NME7: variants seen among roughly 807,000 people sequenced by gnomAD.
The protein encoded by NME7 is NME/NM23 family member 7, also known as nucleoside diphosphate kinase 7.
Under a neutral mutation model 49.1 loss-of-function variants are expected in NME7, and 41 were observed. That is an observed-to-expected ratio of 0.83 (90% confidence interval 0.65 to 1.08). NME7 has a LOEUF of 1.08. Among genes scored for constraint, NME7 ranks in the 50% least tolerant of loss-of-function variants. NME7 has a pLI of 0.00. For synonymous variants in NME7, 139 were observed against 150.6 expected (o/e 0.92, Z 0.56); for missense variants, 423 against 463.4 (o/e 0.91, Z 0.80).
At chr1:169,281,148 G>C (rs1238262007) in intron 7 of NME7, among the ~76,000 whole-genome samples, 3 of 152,046 alleles carry the variant, frequency 2.0e-5, no homozygotes, top group Non-Finnish European at 4.4e-5. Flanking sequence ...GTGGTTTATA[G>C]TTCTCCCTGA....
At chr1:169,367,100 A>C (rs1653896037) in intron 1 of NME7, among the ~76,000 whole-genome samples, 1 of 152,114 alleles carries the variant, frequency 6.6e-6, no homozygotes, top group Non-Finnish European at 1.5e-5. Context: ...CCAAACAGTG[A>C]ATTCCAGAAG....
intron 10 of NME7, among the ~76,000 whole-genome samples, chr1:169,196,604 C>T (rs1023662283): frequency 6.6e-6 from 1 of 152,162 alleles, no homozygotes; most frequent in South Asian, 2.1e-4. Context: ...CATTAGGATA[C>T]TTTCACAATT....
chr1:169,246,165 G>T (rs1341301346), intron 7 of NME7, among the ~76,000 whole-genome samples: 1 of 152,102 alleles, frequency 6.6e-6, no homozygotes, highest in East Asian at 1.9e-4. Flanking sequence ...AATTAGCCAG[G>T]TATGATGGTG....
At chr1:169,263,879 C>T (rs1279934474) in intron 7 of NME7, among the ~76,000 whole-genome samples, 1 of 132,208 alleles carries the variant, frequency 7.6e-6, no homozygotes, top group East Asian at 2.0e-4. Context: ...AAAGAGAAGC[C>T]CATCAGAATA....
chr1:169,185,954 T>C (rs1466659111), intron 10 of NME7, among the ~76,000 whole-genome samples: 1 of 152,162 alleles, frequency 6.6e-6, no homozygotes, highest in East Asian at 1.9e-4. Flanking sequence ...TAATATATGA[T>C]GTTTGCATTG....
chr1:169,261,363 G>C lies in NME7; in HGVS notation c.755-23676C>G, dbSNP rs868343162. Among the ~76,000 whole-genome samples the C allele has an allele frequency of 3.7e-5, 5 of 133,492 alleles. 2 individuals carry two copies. Among genetic ancestry groups the C allele is most frequent in the Non-Finnish European group, 8.8e-5 (5 of 56,758 alleles). The allele number at this position is 133,492 out of a possible 152,430, so 87.6% of individuals were successfully genotyped here. On this transcript the variant is annotated intron_variant, in intron 7 of 11. Transcript: ENST00000367811. Reference sequence around the variant, plus strand: ...TCTCACTAGAGAAAGATCAATCTAAGCACTGTCTAGCAACAGATCAAGATT... The same window carrying C: ...TCTCACTAGAGAAAGATCAATCTAACCACTGTCTAGCAACAGATCAAGATT...
chr1:169,179,431 C>T (rs559824496), intron 10 of NME7, among the ~76,000 whole-genome samples: 4 of 152,206 alleles, frequency 2.6e-5, no homozygotes, highest in East Asian at 3.9e-4. Context: ...GCAGAAATAC[C>T]GTTTGACCCA....
At chr1:169,139,917 T>G (rs1024578598) in intron 11 of NME7, among the ~76,000 whole-genome samples, 2 of 152,216 alleles carry the variant, frequency 1.3e-5, no homozygotes, top group Non-Finnish European at 2.9e-5. Flanking sequence ...CCAGAAACTA[T>G]TTTTCTTCTT....
At chr1:169,238,419 T>A (rs1647947931) in intron 7 of NME7, among the ~76,000 whole-genome samples, 1 of 151,602 alleles carries the variant, frequency 6.6e-6, no homozygotes, top group Non-Finnish European at 1.5e-5. Flanking sequence ...TATAAAAGTC[T>A]AAGTTTCTTT....
chr1:169,169,339 A>G, intron 11 of NME7, 108 bp downstream of exon 11: 2 of 925,902 alleles, frequency 2.2e-6, no homozygotes, highest in Non-Finnish European at 1.7e-6. Context: ...CATGTAACCT[A>G]GAACTTGAAG....
intron 10 of NME7, among the ~76,000 whole-genome samples, chr1:169,192,611 A>G (rs963398248): frequency 3.9e-5 from 6 of 152,264 alleles, no homozygotes; most frequent in African/African-American, 1.4e-4. Flanking sequence ...AATAAGAAAA[A>G]AGGGAGTATG....
intron 3 of NME7, 31 bp from the exon 4 acceptor site, chr1:169,310,111 T>C (rs1390443806): frequency 1.5e-6 from 2 of 1,310,324 alleles, no homozygotes; most frequent in South Asian, 1.3e-5. Flanking sequence ...AGTTTGCAAA[T>C]AAAAATAGTT....
At chr1:169,276,143 A>C (rs1374972335) in intron 7 of NME7, among the ~76,000 whole-genome samples, 1 of 133,834 alleles carries the variant, frequency 7.5e-6, no homozygotes, top group African/African-American at 2.5e-5. Context: ...TTGGTCTAAA[A>C]TTCTCTTTTT....
chr1:169,133,463 T>C (rs1658317281), intron 11 of NME7, among the ~76,000 whole-genome samples: 3 of 152,216 alleles, frequency 2.0e-5, no homozygotes, highest in South Asian at 2.1e-4. Flanking sequence ...CTGGAGGCCA[T>C]GGCCGTTTTG....
intron 1 of NME7, among the ~76,000 whole-genome samples, chr1:169,362,248 C>T (rs886605982): frequency 1.3e-5 from 2 of 152,186 alleles, no homozygotes; most frequent in Non-Finnish European, 2.9e-5. Context: ...AACTTTGAGA[C>T]ATTTTACTTC....
At chr1:169,202,087 T>C (rs886686779) in intron 10 of NME7, among the ~76,000 whole-genome samples, 3 of 152,208 alleles carry the variant, frequency 2.0e-5, no homozygotes, top group Non-Finnish European at 4.4e-5. Context: ...AGCATTACTA[T>C]GTTTCCCACA....
intron 3 of NME7, among the ~76,000 whole-genome samples, chr1:169,310,469 T>C (rs1011638): frequency 0.35 from 53,362 of 152,048 alleles, 10,476 homozygotes; most frequent in Non-Finnish European, 0.44. Context: ...CTCTTAGACT[T>C]CAACATATGT....
At chr1:169,231,583 T>C (rs900906514) in intron 9 of NME7, among the ~76,000 whole-genome samples, 22 of 152,206 alleles carry the variant, frequency 1.4e-4, no homozygotes, top group African/African-American at 5.3e-4. Context: ...GCTACTAATC[T>C]GTCACATGTG....
At chr1:169,208,515 T>C (rs1481889911) in intron 10 of NME7, among the ~76,000 whole-genome samples, 3 of 152,102 alleles carry the variant, frequency 2.0e-5, no homozygotes, top group Admixed American at 6.6e-5. Context: ...AAAGAAAAAA[T>C]GGCTGTTAAC....
Sources: allele counts gnomAD v4.1 joint callset (sites outside exome capture counted in the v4.1 genomes callset), GRCh38; gene constraint gnomAD v4.1.1; transcripts MANE v1.5; gene names NCBI Gene and HGNC (gene_info 2026-07-23, HGNC 2026-07-21).